CPEB3: variants seen among roughly 807,000 people sequenced by gnomAD.
CPEB3 encodes cytoplasmic polyadenylation element binding protein 3.
Under a neutral mutation model 67.2 loss-of-function variants are expected in CPEB3, and 20 were observed. The observed-to-expected ratio is 0.30, with a 90% CI of 0.21 to 0.43. The LOEUF (loss-of-function observed/expected upper bound fraction) is 0.43. CPEB3 is among the 20% of genes least tolerant of loss of function. The probability of loss-of-function intolerance (pLI) is 1.00; values close to 1 mark genes in which losing one functional copy is unlikely to be tolerated. For synonymous variants in CPEB3, 376 were observed against 393.1 expected (o/e 0.96, Z 0.51); for missense variants, 746 against 968.6 (o/e 0.77, Z 3.05).
intron 8 of CPEB3, among the ~76,000 whole-genome samples, chr10:92,083,014 A>G (rs768128901): frequency 6.6e-6 from 1 of 152,236 alleles, no homozygotes; most frequent in Non-Finnish European, 1.5e-5. Context: ...CTAGATGTCT[A>G]TGAACAAAAG....
intron 9 of CPEB3, among the ~76,000 whole-genome samples, chr10:92,053,999 A>G (rs543464739): frequency 4.6e-5 from 7 of 152,210 alleles, no homozygotes; most frequent in African/African-American, 1.7e-4. Flanking sequence ...ATAGTATCTT[A>G]TTGTGGTTTT....
At position 92,240,267 on chromosome 10, in the gene CPEB3, A is replaced by G. The variant is rs570113813; in HGVS notation, c.84T>C (p.Pro28=). 5 of 1,515,682 alleles carry G rather than the reference A, an allele frequency of 3.3e-6. No individual in the cohort carries two copies. The highest frequency in any genetic ancestry group is 3.5e-6 in the Non-Finnish European group (4 of 1,130,932). The allele number at this position is 1,515,682 out of a possible 1,614,324, so 93.9% of individuals were successfully genotyped here. ...ACGGGGCTTCGGATACGCTGGACTC[A>G]GGTTGGGGCTGCTGCTGCTGCCGCT... ...QQQRQQQQPQ[P]ESSVSEAPST... The change falls in exon 2 of 10, where the codon CCT becomes CCC. Residue 28 remains proline (P), a synonymous_variant. Coordinates refer to ENST00000265997, the MANE Select transcript of CPEB3 (RefSeq NM_014912.5).
Position 92,272,629 on chromosome 10 carries a change from G to A in CPEB3, c.-12+18297C>T, listed in dbSNP as rs138379828. On this transcript the variant is annotated intron_variant, in intron 1 of 9. Transcript: ENST00000265997. Reference sequence around the variant, plus strand: ...CAAATATTTAGTGAACACCCTCCATGGGCCAGGCTCTGTACTAGGCACTGG... The same window carrying A: ...CAAATATTTAGTGAACACCCTCCATAGGCCAGGCTCTGTACTAGGCACTGG... 9.5e-3 allele frequency among the ~76,000 whole-genome samples: 1,439 copies of A among 152,222 alleles called. 18 individuals carry two copies. The highest frequency in any genetic ancestry group is 0.033 in the African/African-American group (1,353 of 41,532).
rs1159209029 is a variant in CPEB3 at position 92,238,536 on chromosome 10, A to C, written c.1005+810T>G. Among the ~76,000 whole-genome samples, 7 of 152,142 alleles carry C rather than the reference A, an allele frequency of 4.6e-5. No homozygotes were observed. In the East Asian group the frequency reaches 1.2e-3, roughly 25 times the overall value. ...TTTCTTAACCCAACTGATGAAGGAC[A>C]CTGCAGCTTTAAATATTTCAGTGCT... On this transcript the variant is annotated intron_variant, in intron 2 of 9. Coordinates refer to ENST00000265997, the MANE Select transcript of CPEB3 (RefSeq NM_014912.5).
intron 2 of CPEB3, among the ~76,000 whole-genome samples, chr10:92,224,842 T>C (rs1850882931): frequency 6.7e-6 from 1 of 149,446 alleles, no homozygotes; most frequent in Non-Finnish European, 1.5e-5. Context: ...CAAGACCACC[T>C]GACTTCTTAA....
chr10:92,274,404 T>C (rs994453519), intron 1 of CPEB3, among the ~76,000 whole-genome samples: 2 of 152,214 alleles, frequency 1.3e-5, no homozygotes, highest in African/African-American at 4.8e-5. Flanking sequence ...CCACTTTAAG[T>C]TATTACTTAA....
At chr10:92,071,652 T>C (rs1842757938) in intron 9 of CPEB3, among the ~76,000 whole-genome samples, 1 of 151,854 alleles carries the variant, frequency 6.6e-6, no homozygotes. Context: ...AGAGAATCGC[T>C]TGAACCCAGG....
At chr10:92,169,187 A>G (rs1426976622) in intron 4 of CPEB3, among the ~76,000 whole-genome samples, 39 of 139,756 alleles carry the variant, frequency 2.8e-4, no homozygotes, top group Admixed American at 7.8e-4. Flanking sequence ...TGCACAGGCT[A>G]GAGTGCAATG....
chr10:92,117,802 T>C (rs578086710), intron 6 of CPEB3, among the ~76,000 whole-genome samples: 24 of 152,266 alleles, frequency 1.6e-4, no homozygotes, highest in Non-Finnish European at 3.2e-4. Context: ...CTACCACAAC[T>C]ATCAGGTACT....
intron 6 of CPEB3, among the ~76,000 whole-genome samples, chr10:92,112,724 C>T (rs1032863864): frequency 1.3e-5 from 2 of 152,226 alleles, no homozygotes; most frequent in African/African-American, 4.8e-5. Context: ...CTCTACAACC[C>T]TGCTAGCTTT....
intron 1 of CPEB3, among the ~76,000 whole-genome samples, chr10:92,259,981 T>C (rs528056459): frequency 5.1e-4 from 78 of 152,346 alleles, no homozygotes; most frequent in Admixed American, 1.2e-3. Context: ...GTGGCAGAAC[T>C]AGGACCTAAT....
intron 1 of CPEB3, among the ~76,000 whole-genome samples, chr10:92,245,871 T>C (rs1852037835): frequency 6.6e-6 from 1 of 151,676 alleles, no homozygotes; most frequent in Non-Finnish European, 1.5e-5. Context: ...ACCTCGTCTC[T>C]ACTAAAACTA....
chr10:92,052,044 A>T lies in CPEB3; in HGVS notation c.*168T>A. 1 of 582,428 alleles carries T rather than the reference A, an allele frequency of 1.7e-6. No homozygotes were observed. 36.1% of individuals were successfully genotyped at this position (582,428 alleles called of 1,614,324 possible). ...CTGCATTATACTGGACACTGAGTTC[A>T]GTAATATGACTGTAAATAATAATAA... On this transcript the variant is annotated 3_prime_UTR_variant, in exon 10 of 10. Transcript: ENST00000265997.
chr10:92,229,635 G>C (rs1489506845), intron 2 of CPEB3, among the ~76,000 whole-genome samples: 2 of 152,170 alleles, frequency 1.3e-5, no homozygotes, highest in Admixed American at 1.3e-4. Context: ...CAGAACTATG[G>C]GGTGTCCATA....
chr10:92,171,793 T>C (rs1030075033), intron 4 of CPEB3, among the ~76,000 whole-genome samples: 3 of 152,106 alleles, frequency 2.0e-5, no homozygotes, highest in African/African-American at 4.8e-5. Context: ...TTTTGTATTT[T>C]TACTAGAGAT....
chr10:92,129,268 T>C (rs1165194819), intron 6 of CPEB3, among the ~76,000 whole-genome samples: 3 of 152,164 alleles, frequency 2.0e-5, no homozygotes, highest in Non-Finnish European at 2.9e-5. Context: ...TTCTCACTTA[T>C]ACATGGGAGC....
chr10:92,253,488 A>G, intron 1 of CPEB3, among the ~76,000 whole-genome samples: 1 of 151,542 alleles, frequency 6.6e-6, no homozygotes, highest in South Asian at 2.1e-4. Flanking sequence ...AAAAAAAGAA[A>G]AGAAAGAAAA....
At chr10:92,167,219 G>A (rs552927503) in intron 4 of CPEB3, among the ~76,000 whole-genome samples, 8 of 152,208 alleles carry the variant, frequency 5.3e-5, no homozygotes, top group African/African-American at 1.7e-4. Context: ...AGACTATTTC[G>A]CTTTCTTACC....
rs749636568 is a variant in CPEB3, at chr10:92,239,499, G to C, written c.852C>G (p.Ser284=). ...VGVGVGVGVP[S]PLNPISPLKK... is the part of the protein sequence containing the mutation. ...TGAGCGGCGAGATGGGGTTGAGCGG[G>C]GAAGGCACCCCGACACCCACACCCA... The change falls in exon 2 of 10, where the codon TCC becomes TCG. Residue 284 remains serine, a synonymous_variant. Transcript: ENST00000265997. This position sits in a 1 kb window ranked among gnomAD's most constrained non-coding sequence, Gnocchi z 6.0. 6.3e-7 allele frequency: 1 copy of C among 1,583,294 alleles called. No individual in the cohort carries two copies. Among genetic ancestry groups the C allele is most frequent in the South Asian group, 1.1e-5 (1 of 87,358 alleles).
Sources: gnomAD v4.1 joint callset for allele counts (sites outside exome capture counted in the v4.1 genomes callset) on GRCh38, gnomAD v4.1.1 for gene constraint, Gnocchi (gnomAD v3.1) non-coding constraint, MANE v1.5 for transcripts, NCBI Gene and HGNC (gene_info 2026-07-23, HGNC 2026-07-21) for gene names.